PTPRK: variants seen among roughly 807,000 people sequenced by gnomAD.
PTPRK encodes the protein receptor-type tyrosine-protein phosphatase kappa.
PTPRK carries 75 observed loss-of-function variants against 178.0 expected under a neutral mutation model. The observed-to-expected ratio is 0.42, with a 90% CI of 0.35 to 0.51. The LOEUF (loss-of-function observed/expected upper bound fraction) is 0.51, where lower values mean the gene tolerates loss of function less well. Among genes scored for constraint, PTPRK ranks in the 20% least tolerant of loss-of-function variants. The probability of loss-of-function intolerance (pLI) is 0.02; values close to 1 mark genes in which losing one functional copy is unlikely to be tolerated. For missense variants in PTPRK, 1,441 were observed against 1,797.8 expected (o/e 0.80, Z 3.59); for synonymous variants, 637 against 620.6 (o/e 1.03, Z -0.39).
intron 7 of PTPRK, among the ~76,000 whole-genome samples, chr6:128,112,353 T>C (rs1028953497): frequency 4.6e-5 from 7 of 152,094 alleles, no homozygotes; most frequent in African/African-American, 1.4e-4. Flanking sequence ...TTTCTTTAAG[T>C]GAATATTATA....
intron 7 of PTPRK, among the ~76,000 whole-genome samples, chr6:128,166,829 G>C (rs1799475995): frequency 6.6e-6 from 1 of 151,488 alleles, no homozygotes; most frequent in South Asian, 2.1e-4. Flanking sequence ...AATTATTCTT[G>C]AAATTAGGAA....
chr6:128,128,250 T>C (rs1402120718), intron 7 of PTPRK, among the ~76,000 whole-genome samples: 9 of 152,210 alleles, frequency 5.9e-5, no homozygotes, highest in Non-Finnish European at 1.0e-4. Flanking sequence ...ATGTAATACA[T>C]GAGGATCAAA....
chr6:128,321,865 A>G, intron 3 of PTPRK, 174 bp downstream of exon 3: 1 of 843,078 alleles, frequency 1.2e-6, no homozygotes, highest in Admixed American at 2.0e-5. Context: ...GCAATCTCTC[A>G]TTACCATGGG....
At chr6:128,467,536 T>C (rs902071195) in intron 1 of PTPRK, among the ~76,000 whole-genome samples, 2 of 152,232 alleles carry the variant, frequency 1.3e-5, no homozygotes, top group African/African-American at 4.8e-5. Context: ...ATGACTTTCA[T>C]ATCACCAACG....
At chr6:128,189,670 A>G (rs531483517) in intron 6 of PTPRK, among the ~76,000 whole-genome samples, 1 of 152,140 alleles carries the variant, frequency 6.6e-6, no homozygotes, top group East Asian at 1.9e-4. Flanking sequence ...AATTTTTTTT[A>G]TTTGTTACCA....
intron 1 of PTPRK, among the ~76,000 whole-genome samples, chr6:128,506,682 A>AAAAG (rs1554284970): frequency 1.4e-4 from 20 of 146,290 alleles, no homozygotes; most frequent in African/African-American, 4.5e-4. Context: ...AAAAAAAAAA[A>AAAAG]TTATTATAAG....
intron 7 of PTPRK, among the ~76,000 whole-genome samples, chr6:128,157,306 T>C (rs1798077277): frequency 6.6e-6 from 1 of 152,058 alleles, no homozygotes; most frequent in African/African-American, 2.4e-5. Context: ...ATGGGAAAGA[T>C]ACTTTAAGAC....
intron 13 of PTPRK, among the ~76,000 whole-genome samples, chr6:128,048,450 C>T (rs1217511613): frequency 6.6e-6 from 1 of 152,162 alleles, no homozygotes; most frequent in African/African-American, 2.4e-5. Flanking sequence ...TCTAATGCTC[C>T]TGCCCTACAT....
At position 128,078,852 on chromosome 6, in the gene PTPRK, A is replaced by G; in HGVS notation, c.1844T>C (p.Val615Ala). ...SLNETATTIT[V>A]LLRPAQAKGA... Reference sequence around the variant, plus strand: ...TTTGGCTTGTGCTGGTCTCAACAATACAGTTATTGTGGTGGCAGTTTCATT... The same window carrying G: ...TTTGGCTTGTGCTGGTCTCAACAATGCAGTTATTGTGGTGGCAGTTTCATT... The change falls in exon 11 of 30, where the codon GTA (valine) becomes GCA (alanine). Residue 615 changes from valine to alanine, a missense_variant. Around this residue, in one of 4 missense-constraint regions of PTPRK, gnomAD observed 945 missense variants for 1,080.6 expected, o/e 0.87. Transcript: ENST00000368226. 1 of 1,612,362 alleles carries G rather than the reference A, an allele frequency of 6.2e-7. No homozygotes were observed. Among genetic ancestry groups the G allele is most frequent in the Non-Finnish European group, 8.5e-7 (1 of 1,178,820 alleles).
chr6:128,107,453 C>G (rs1789912538), intron 7 of PTPRK, among the ~76,000 whole-genome samples: 1 of 152,050 alleles, frequency 6.6e-6, no homozygotes, highest in Non-Finnish European at 1.5e-5. Flanking sequence ...TGAAACACTT[C>G]CCCTAAAGCA....
intron 3 of PTPRK, among the ~76,000 whole-genome samples, chr6:128,268,715 T>TG (rs1235506516): frequency 6.6e-6 from 1 of 152,080 alleles, no homozygotes; most frequent in Non-Finnish European, 1.5e-5. Flanking sequence ...TACAGTCACC[T>TG]GATCACCTAC....
chr6:128,184,299 G>T, intron 7 of PTPRK, 133 bp downstream of exon 7: 1 of 924,436 alleles, frequency 1.1e-6, no homozygotes, highest in Non-Finnish European at 1.6e-6. Flanking sequence ...GATGATTTAT[G>T]TAATTCATTG....
chr6:128,328,705 T>C (rs541127494), intron 2 of PTPRK, among the ~76,000 whole-genome samples: 1 of 152,254 alleles, frequency 6.6e-6, no homozygotes, highest in East Asian at 1.9e-4. Context: ...AGCTTTTGTT[T>C]CTGAGTTATA....
chr6:128,045,877 C>T (rs1024774097), intron 13 of PTPRK, among the ~76,000 whole-genome samples: 7 of 152,096 alleles, frequency 4.6e-5, no homozygotes, highest in African/African-American at 9.7e-5. Context: ...TTTGACCACT[C>T]GTTAGCCTTT....
At chr6:128,151,627 C>T (rs906295304) in intron 7 of PTPRK, among the ~76,000 whole-genome samples, 1 of 151,914 alleles carries the variant, frequency 6.6e-6, no homozygotes, top group Admixed American at 6.6e-5. Context: ...ATATAAGTAA[C>T]ATTCAAATAA....
chr6:128,315,013 AAAC>A (rs1827808320), intron 3 of PTPRK, among the ~76,000 whole-genome samples: 1 of 3,760 alleles, frequency 2.7e-4, no homozygotes, highest in Non-Finnish European at 2.2e-3. Context: ...AGAAAAAAAC[AAAC>A]AAACAAACAA....
At chr6:128,224,688 C>T (rs991498747) in intron 5 of PTPRK, among the ~76,000 whole-genome samples, 7 of 152,162 alleles carry the variant, frequency 4.6e-5, no homozygotes, top group South Asian at 2.1e-4. Context: ...AATGGGGTAT[C>T]GGTCCATATT....
At chr6:128,259,700 T>C (rs529425777) in intron 3 of PTPRK, among the ~76,000 whole-genome samples, 1 of 152,328 alleles carries the variant, frequency 6.6e-6, no homozygotes, top group Non-Finnish European at 1.5e-5. Flanking sequence ...ATTCAGTGTG[T>C]GTTCAATTTT....
At position 128,082,557 on chromosome 6, in the gene PTPRK, T is replaced by A; in HGVS notation, c.1657A>T (p.Ser553Cys). Residue 553 changes from serine (S) to cysteine (C), a missense_variant, in exon 10 of 30, where the codon AGT (serine) becomes TGT (cysteine). Physicochemically the swap from Ser to Cys is moderately radical, Grantham distance 112. Around this residue, in one of 4 missense-constraint regions of PTPRK, gnomAD observed 945 missense variants for 1,080.6 expected, o/e 0.87. Coordinates refer to ENST00000368226, the MANE Select transcript of PTPRK (RefSeq NM_002844.4). ...AGATGCATAAAGACATGGTGTGTAC[T>A]GTTCCATAAATTTGATACAGTCTGG... Reference protein sequence around the residue: ...PPQTVSNLWNSTHHVFMHLHP... With the variant: ...PPQTVSNLWNCTHHVFMHLHP... The A allele has an allele frequency of 6.2e-7, 1 of 1,612,714 alleles. No homozygotes were observed. The highest frequency in any genetic ancestry group is 8.5e-7 in the Non-Finnish European group (1 of 1,178,850).
Sources: gnomAD v4.1 joint callset for allele counts (sites outside exome capture counted in the v4.1 genomes callset) on GRCh38, gnomAD v4.1.1 for gene constraint, gnomAD v4.1.1 regional missense constraint, MANE v1.5 for transcripts, NCBI Gene and HGNC (gene_info 2026-07-23, HGNC 2026-07-21) for gene names.